TENM3: variants seen among roughly 807,000 people sequenced by gnomAD.
The protein encoded by TENM3 is teneurin-3.
In TENM3, 63 loss-of-function variants were observed where a neutral mutation model predicts 255.1. The ratio of observed to expected loss-of-function variants is 0.25; its 90% CI spans 0.20 to 0.30. The LOEUF (loss-of-function observed/expected upper bound fraction) is 0.30. Among genes scored for constraint, TENM3 ranks in the 10% least tolerant of loss-of-function variants. TENM3 has a pLI of 1.00. For synonymous variants in TENM3, 1,306 were observed against 1,322.3 expected (o/e 0.99, Z 0.27); for missense variants, 2,929 against 3,461.1 (o/e 0.85, Z 3.86).
the TENM3 span, among the ~76,000 whole-genome samples, chr4:181,511,605 C>A: frequency 6.6e-6 from 1 of 152,172 alleles, no homozygotes; most frequent in African/African-American, 2.4e-5. Context: ...TTGACTCTGA[C>A]TTCAAGAATG....
chr4:181,554,342 G>A, the TENM3 span, among the ~76,000 whole-genome samples: 1 of 152,096 alleles, frequency 6.6e-6, no homozygotes, highest in Non-Finnish European at 1.5e-5. Flanking sequence ...TAACGGGGAG[G>A]GCTGAGAAAG....
At chr4:182,264,928 GT>G (rs925297330) in intron 1 of TENM3, among the ~76,000 whole-genome samples, 15 of 150,654 alleles carry the variant, frequency 1.0e-4, no homozygotes, top group Non-Finnish European at 1.8e-4. Context: ...CTGAAAAATG[GT>G]TTTTTTTTCT....
At chr4:182,661,415 A>G (rs1051682440) in intron 6 of TENM3, among the ~76,000 whole-genome samples, 22 of 152,088 alleles carry the variant, frequency 1.4e-4, no homozygotes, top group Admixed American at 1.4e-3. Context: ...GTCTGACAGC[A>G]GGTTGCAGAT....
At chr4:181,935,853 C>A in the TENM3 span, among the ~76,000 whole-genome samples, 2 of 152,160 alleles carry the variant, frequency 1.3e-5, no homozygotes, top group African/African-American at 2.4e-5. Flanking sequence ...ATTCTTGAAG[C>A]CTCAGACAAA....
At chr4:182,624,821 G>GA (rs1456297715) in intron 4 of TENM3, among the ~76,000 whole-genome samples, 1 of 152,070 alleles carries the variant, frequency 6.6e-6, no homozygotes, top group Non-Finnish European at 1.5e-5. Context: ...AAGTCAGGAG[G>GA]AAAAAACATG....
chr4:181,732,411 C>G, the TENM3 span, among the ~76,000 whole-genome samples: 1 of 152,070 alleles, frequency 6.6e-6, no homozygotes, highest in Non-Finnish European at 1.5e-5. Context: ...TCTTAATGTA[C>G]AGAAATGTGC....
At chr4:181,679,423 C>T in the TENM3 span, among the ~76,000 whole-genome samples, 1 of 152,040 alleles carries the variant, frequency 6.6e-6, no homozygotes, top group Admixed American at 6.6e-5. Context: ...CATTATAAAC[C>T]TTCTTCTTAA....
the TENM3 span, among the ~76,000 whole-genome samples, chr4:181,884,806 A>G: frequency 6.6e-6 from 1 of 152,040 alleles, no homozygotes. Context: ...AATTCAAATC[A>G]TTGTCTCAGT....
chr4:181,586,135 C>T, the TENM3 span, among the ~76,000 whole-genome samples: 1 of 152,192 alleles, frequency 6.6e-6, no homozygotes, highest in Non-Finnish European at 1.5e-5. Context: ...TCACTTCCTA[C>T]CCCACTCTGG....
intron 3 of TENM3, among the ~76,000 whole-genome samples, chr4:182,358,477 A>G (rs1213277312): frequency 2.7e-5 from 4 of 150,138 alleles, no homozygotes; most frequent in East Asian, 2.0e-4. Context: ...TCTCTTTGAA[A>G]CAATTGTGAA....
At chr4:181,701,915 G>A in the TENM3 span, among the ~76,000 whole-genome samples, 32 of 152,104 alleles carry the variant, frequency 2.1e-4, no homozygotes, top group African/African-American at 7.0e-4. Flanking sequence ...GAGGCTTTTG[G>A]CGTATGATGG....
intron 2 of TENM3, among the ~76,000 whole-genome samples, chr4:182,331,885 T>C (rs1763783060): frequency 6.6e-6 from 1 of 152,164 alleles, no homozygotes; most frequent in South Asian, 2.1e-4. Context: ...AAAAGAAAGA[T>C]TGTTAAAACA....
rs145817291 is a variant in TENM3, at chr4:182,149,074, A to G, written c.-76+4320A>G. 1.6e-3 allele frequency among the ~76,000 whole-genome samples: 249 copies of G among 152,082 alleles called. 1 individual carries two copies. Among genetic ancestry groups the G allele is most frequent in the African/African-American group, 5.6e-3 (231 of 41,542 alleles). On this transcript the variant is annotated intron_variant, in intron 1 of 2. Transcript: ENST00000512480. ...TTCTAGTGCGTGTAAACTTCCCACA[A>G]TGGCATTACTCTTTACTTTCAGGAA...
chr4:181,587,448 C>T, the TENM3 span, among the ~76,000 whole-genome samples: 1 of 152,222 alleles, frequency 6.6e-6, no homozygotes, highest in African/African-American at 2.4e-5. Context: ...CATTTGCCGT[C>T]TCTTATCTTT....
intron 1 of TENM3, among the ~76,000 whole-genome samples, chr4:182,167,015 A>G (rs1751767102): frequency 6.6e-6 from 1 of 152,200 alleles, no homozygotes; most frequent in African/African-American, 2.4e-5. Flanking sequence ...GGCTACCTAT[A>G]AGATAGAGTT....
At chr4:182,009,943 A>G in the TENM3 span, among the ~76,000 whole-genome samples, 629 of 143,236 alleles carry the variant, frequency 4.4e-3, 2 homozygotes, top group Non-Finnish European at 7.3e-3. Context: ...GGCTGGGGGG[A>G]GGGGGTTCCC....
At chr4:182,653,021 T>C (rs1247702140) in intron 5 of TENM3, among the ~76,000 whole-genome samples, 2 of 152,168 alleles carry the variant, frequency 1.3e-5, no homozygotes, top group Non-Finnish European at 2.9e-5. Context: ...ATTTAAAACT[T>C]ATGTTTATAG....
chr4:181,858,333 G>A, the TENM3 span, among the ~76,000 whole-genome samples: 1 of 152,162 alleles, frequency 6.6e-6, no homozygotes, highest in Admixed American at 6.5e-5. Context: ...TTACTTTTAA[G>A]GATGTTATTG....
intron 3 of TENM3, among the ~76,000 whole-genome samples, chr4:182,400,433 G>A (rs1238810083): frequency 1.3e-5 from 2 of 152,076 alleles, no homozygotes; most frequent in African/African-American, 2.4e-5. Flanking sequence ...CTCATTACAT[G>A]ACATTTTTCT....
Sources: gnomAD v4.1 joint callset for allele counts (sites outside exome capture counted in the v4.1 genomes callset) on GRCh38, gnomAD v4.1.1 for gene constraint, MANE v1.5 for transcripts, NCBI Gene and HGNC (gene_info 2026-07-23, HGNC 2026-07-21) for gene names.